MRPS18C: variants seen among roughly 807,000 people sequenced by gnomAD.
The protein encoded by MRPS18C is mitochondrial ribosomal protein S18C.
MRPS18C carries 21 observed loss-of-function variants against 21.0 expected under a neutral mutation model. The observed-to-expected ratio is 1.00, with a 90% confidence interval of 0.71 to 1.44. The LOEUF is 1.44. MRPS18C is among the 40% of genes most tolerant of loss of function. MRPS18C has a pLI of 0.00. For missense variants in MRPS18C, 152 were observed against 171.5 expected (o/e 0.89, Z 0.64); for synonymous variants, 65 against 54.3 (o/e 1.20, Z -0.87).
Position 83,456,084 on chromosome 4 carries a change from G to A in MRPS18C, c.7G>A (p.Ala3Thr), listed in dbSNP as rs766572264. 1 of 1,612,494 alleles carries A rather than the reference G, an allele frequency of 6.2e-7. No homozygotes were observed. The highest frequency in any genetic ancestry group is 8.5e-7 in the Non-Finnish European group (1 of 1,180,016). The stretch of plus-strand genomic sequence containing the variant: ...GTGGAAGAAACGCGGAACCATGGCC[G>A]CTGTGGTTGCTGTTTGCGGTGGTCT... MA[A>T]VVAVCGGLGR... The change falls in exon 1 of 6, where the codon GCT becomes ACT. Residue 3 changes from alanine (A) to threonine (T), a missense_variant. Transcript: ENST00000295491.
chr4:83,456,115 GGAA>G lies in MRPS18C; in HGVS notation c.43_45del (p.Lys15del), dbSNP rs745400793. 6.2e-6 allele frequency: 10 copies of G among 1,612,980 alleles called. No individual in the cohort carries two copies. Among genetic ancestry groups the G allele is most frequent in the East Asian group, 2.2e-5 (1 of 44,876 alleles). ...GTTGCTGTTTGCGGTGGTCTAGGGA[GGAA>G]GAAGTTGACACACTTGGTAACGGCT... On this transcript the variant is annotated inframe_deletion, in exon 1 of 6. Transcript: ENST00000295491.
At chr4:83,456,208 A>T (rs778019484) in intron 1 of MRPS18C, 31 bp downstream of exon 1, 11 of 1,578,110 alleles carry the variant, frequency 7.0e-6, no homozygotes, top group Non-Finnish European at 9.6e-6. Flanking sequence ...GCTCCATTGT[A>T]GCGCTGCAGG....
rs191585231 is a variant in MRPS18C at position 83,461,683 on chromosome 4, A to T, written c.*486A>T. 601 of 249,676 alleles carry T rather than the reference A, an allele frequency of 2.4e-3. 17 individuals carry two copies. Among genetic ancestry groups the T allele is most frequent in the Non-Finnish European group, 5.8e-4 (74 of 126,690 alleles). 15.5% of individuals were successfully genotyped at this position (249,676 alleles called of 1,614,324 possible). A position where few individuals can be genotyped will look rare whatever the true frequency, so the allele number is the denominator to read the frequency against. On this transcript the variant is annotated 3_prime_UTR_variant, in exon 6 of 6. Coordinates refer to ENST00000295491, the MANE Select transcript of MRPS18C (RefSeq NM_016067.4). ...TAGACATTGAATATGATAGACATAC[A>T]TGTATATATGTATCAGTTCTGAGTT... is the stretch of plus-strand genomic sequence containing the variant.
At chr4:83,456,350 C>T (rs111946759) in intron 1 of MRPS18C, among the ~76,000 whole-genome samples, 173 bp downstream of exon 1, 41 of 152,240 alleles carry the variant, frequency 2.7e-4, no homozygotes, top group African/African-American at 9.6e-4. Context: ...GTCTAATCCA[C>T]TCCTTTAAAG....
At position 83,461,102 on chromosome 4, in the gene MRPS18C, TTTAA is replaced by T. The variant is rs746483791; in HGVS notation, c.353-15_353-12del. On this transcript the variant is annotated splice_polypyrimidine_tract_variant and intron_variant, in intron 5 of 5. Coordinates refer to ENST00000295491, the MANE Select transcript of MRPS18C (RefSeq NM_016067.4). ...TTGCTCATTATGTTTTGTCAAGAAC[TTTAA>T]TTATCTCTTTACAGGGTTTATGCCA... 31 of 1,613,560 alleles carry T rather than the reference TTTAA, an allele frequency of 1.9e-5. 1 individual carries two copies. Among genetic ancestry groups the T allele is most frequent in the South Asian group, 1.1e-4 (10 of 91,060 alleles).
Position 83,459,722 on chromosome 4 carries a change from C to A in MRPS18C, c.235-18C>A. On this transcript the variant is annotated intron_variant, in intron 3 of 5. Coordinates refer to ENST00000295491, the MANE Select transcript of MRPS18C (RefSeq NM_016067.4). ...AACAGATACTTTTTTTTCCCCTCCA[C>A]ATAAAACTCCAAAACAGCTTTTGTC... 6.2e-7 allele frequency: 1 copy of A among 1,603,846 alleles called. No individual in the cohort carries two copies. The highest frequency in any genetic ancestry group is 8.5e-7 in the Non-Finnish European group (1 of 1,174,842).
Position 83,461,101 on chromosome 4 carries a change from C to CT in MRPS18C, c.353-17dup, listed in dbSNP as rs1198573981. Reference sequence around the variant, plus strand: ...TTTGCTCATTATGTTTTGTCAAGAACTTTAATTATCTCTTTACAGGGTTTA... The same window carrying CT: ...TTTGCTCATTATGTTTTGTCAAGAACTTTTAATTATCTCTTTACAGGGTTTA... On this transcript the variant is annotated intron_variant, in intron 5 of 5. Transcript: ENST00000295491. 44 of 1,612,818 alleles carry CT rather than the reference C, an allele frequency of 2.7e-5. No individual in the cohort carries two copies. In the Admixed American group the frequency reaches 2.8e-4, roughly 10 times the overall value.
chr4:83,458,801 A>C (rs978909115), intron 3 of MRPS18C: 5 of 164,456 alleles, frequency 3.0e-5, no homozygotes, highest in African/African-American at 1.2e-4. Flanking sequence ...CTCTTGTCTA[A>C]CTCTCAGCAA....
chr4:83,457,228 C>T, intron 2 of MRPS18C: 6 of 296,262 alleles, frequency 2.0e-5, no homozygotes, highest in South Asian at 2.2e-4. Context: ...CTTCCTAGAT[C>T]TTAAATTTAA....
At position 83,461,607 on chromosome 4, in the gene MRPS18C, C is replaced by T. The variant is rs1722119496; in HGVS notation, c.*410C>T. The T allele has an allele frequency of 3.4e-6, 1 of 296,952 alleles. No homozygotes were observed. Among genetic ancestry groups the T allele is most frequent in the African/African-American group, 2.1e-5 (1 of 47,902 alleles). The allele number at this position is 296,952 out of a possible 1,614,324, so 18.4% of individuals were successfully genotyped here. ...AAGGACAAAATATTCCTAGACGAGT[C>T]TACCCTCAAACCAGTAGTGTCTTTT... On this transcript the variant is annotated 3_prime_UTR_variant, in exon 6 of 6. Coordinates refer to ENST00000295491, the MANE Select transcript of MRPS18C (RefSeq NM_016067.4).
rs775130670 is a variant in MRPS18C, at chr4:83,456,167, G to C, written c.90G>C (p.Gly30=). 4.3e-6 allele frequency: 7 copies of C among 1,613,478 alleles called. No individual in the cohort carries two copies. Among genetic ancestry groups the C allele is most frequent in the Middle Eastern group, 1.7e-4 (1 of 6,006 alleles). The change falls in exon 1 of 6, where the codon GGG becomes GGC. Residue 30 remains glycine, a synonymous_variant. Coordinates refer to ENST00000295491, the MANE Select transcript of MRPS18C (RefSeq NM_016067.4). ...VTAAVSLTHP[G]THTVLWRRGC... is the part of the protein sequence containing the mutation. ...CTGCTGTCAGCCTTACACATCCCGG[G>C]ACTCACACGGGTAAAGTCTCCATAT...
chr4:83,458,488 A>AAG (rs1721950241), intron 3 of MRPS18C, 59 bp downstream of exon 3: 1 of 1,299,854 alleles, frequency 7.7e-7, no homozygotes, highest in Middle Eastern at 1.9e-4. Context: ...GATCTGCTTA[A>AAG]AGAGAATCAA....
intron 2 of MRPS18C, chr4:83,457,503 T>C (rs989593910): frequency 6.6e-6 from 1 of 152,072 alleles, no homozygotes. Context: ...GTGAGCTGAA[T>C]GTAAATTGGA....
intron 4 of MRPS18C, 56 bp from the exon 5 acceptor site, chr4:83,460,917 T>A (rs1013116288): frequency 4.7e-6 from 7 of 1,493,308 alleles, no homozygotes; most frequent in Non-Finnish European, 6.4e-6. Context: ...AAAAAAAAAA[T>A]TGCAAACTTT....
intron 4 of MRPS18C, 78 bp from the exon 5 acceptor site, chr4:83,460,895 G>A: frequency 1.9e-5 from 23 of 1,223,284 alleles, no homozygotes; most frequent in Non-Finnish European, 2.7e-5. Flanking sequence ...GACACAGGGA[G>A]ACTCCATCTC....
At chr4:83,456,245 G>C in intron 1 of MRPS18C, 68 bp downstream of exon 1, 1 of 1,335,504 alleles carries the variant, frequency 7.5e-7, no homozygotes, top group East Asian at 2.4e-5. Flanking sequence ...AATGGTTAGA[G>C]TCGTCCCTGT....
At chr4:83,456,592 A>G (rs1290157274) in intron 1 of MRPS18C, among the ~76,000 whole-genome samples, 5 of 152,162 alleles carry the variant, frequency 3.3e-5, no homozygotes, top group African/African-American at 1.2e-4. Flanking sequence ...TTGGTATGAC[A>G]GTGCCTTTCT....
Position 83,461,052 on chromosome 4 carries a change from C to A in MRPS18C, c.352+20C>A, listed in dbSNP as rs749242864. On this transcript the variant is annotated intron_variant, in intron 5 of 5. Transcript: ENST00000295491. ...TAATGGGTAAGAAAGAATACCTCAA[C>A]AACTGAATTGAGCTAGCTGAAATTT... The A allele has an allele frequency of 2.5e-5, 40 of 1,611,860 alleles. No homozygotes were observed. Among genetic ancestry groups the A allele is most frequent in the Non-Finnish European group, 3.3e-5 (39 of 1,178,438 alleles).
At chr4:83,456,400 G>A (rs560074749) in intron 1 of MRPS18C, among the ~76,000 whole-genome samples, 1 of 152,226 alleles carries the variant, frequency 6.6e-6, no homozygotes, top group East Asian at 1.9e-4. Context: ...TTCTTAAAAA[G>A]CAGAGACTTT....
Sources: gnomAD v4.1 joint callset for allele counts (sites outside exome capture counted in the v4.1 genomes callset) on GRCh38, gnomAD v4.1.1 for gene constraint, MANE v1.5 for transcripts, NCBI Gene and HGNC (gene_info 2026-07-23, HGNC 2026-07-21) for gene names.